Variants in DAPK2 observed in about 807,000 individuals in gnomAD.
DAPK2 encodes death-associated protein kinase 2.
A neutral mutation model predicts 44.1 loss-of-function variants in DAPK2; 35 were observed. The observed-to-expected ratio is 0.79, with a 90% CI of 0.61 to 1.05. The LOEUF is 1.05. Among genes scored for constraint, DAPK2 ranks in the 50% least tolerant of loss-of-function variants. The pLI is 0.00. For synonymous variants in DAPK2, 174 were observed against 182.6 expected, an observed-to-expected ratio of 0.95 and a Z score of 0.38; for missense variants, 453 against 483.2, an observed-to-expected ratio of 0.94 and a Z score of 0.59.
At chr15:64,030,800 C>G (rs2079989278) in intron 1 of DAPK2, among the ~76,000 whole-genome samples, 1 of 152,018 alleles carries the variant, frequency 6.6e-6, no homozygotes, top group Admixed American at 6.6e-5. Flanking sequence ...AGACACCCGT[C>G]TCTACAAAAA....
intron 3 of DAPK2, among the ~76,000 whole-genome samples, chr15:63,948,911 C>G (rs925213239): frequency 1.3e-5 from 2 of 152,140 alleles, no homozygotes; most frequent in Non-Finnish European, 2.9e-5. Flanking sequence ...CACAAGAGAT[C>G]GTTTGCCCAC....
At chr15:63,958,566 A>G (rs2077793978) in intron 3 of DAPK2, among the ~76,000 whole-genome samples, 1 of 152,328 alleles carries the variant, frequency 6.6e-6, no homozygotes, top group African/African-American at 2.4e-5. Context: ...TCAGCTTTCT[A>G]CATATAGCTA....
chr15:63,956,564 A>G (rs188787192), intron 3 of DAPK2, among the ~76,000 whole-genome samples: 299 of 152,124 alleles, frequency 2.0e-3, no homozygotes, highest in African/African-American at 6.6e-3. Flanking sequence ...TGGTCAGAGA[A>G]GATACTTGAT....
At chr15:63,997,745 T>G (rs552822275) in intron 1 of DAPK2, among the ~76,000 whole-genome samples, 2 of 152,276 alleles carry the variant, frequency 1.3e-5, no homozygotes, top group African/African-American at 4.8e-5. Context: ...CTCACCCACA[T>G]GGCCCACACT....
chr15:64,027,130 C>T (rs944592514), intron 1 of DAPK2, among the ~76,000 whole-genome samples: 4 of 152,102 alleles, frequency 2.6e-5, no homozygotes, highest in Admixed American at 1.3e-4. Flanking sequence ...TGCCTATAAT[C>T]CCAGCACTTT....
intron 1 of DAPK2, among the ~76,000 whole-genome samples, chr15:64,036,764 A>G (rs1035841946): frequency 5.3e-5 from 8 of 152,166 alleles, no homozygotes; most frequent in African/African-American, 1.9e-4. Context: ...GCTCACTGAC[A>G]GCCAAGTAAA....
chr15:64,026,440 C>T (rs1401678609), intron 1 of DAPK2, among the ~76,000 whole-genome samples: 3 of 151,992 alleles, frequency 2.0e-5, no homozygotes, highest in Non-Finnish European at 4.4e-5. Flanking sequence ...GTCAGGGTTT[C>T]GCCATGTTGG....
In DAPK2 at chr15:64,036,271, A is replaced by ATGTG. The variant is rs1297163093; in HGVS notation, c.92+3898_92+3899insCACA. Among the ~76,000 whole-genome samples the ATGTG allele has an allele frequency of 9.2e-3, 784 of 85,260 alleles. 8 individuals are homozygous for ATGTG. The highest frequency in any genetic ancestry group is 0.023 in the African/African-American group (598 of 26,026). 55.9% of individuals were successfully genotyped at this position (85,260 alleles called of 152,430 possible). On this transcript the variant is annotated intron_variant, in intron 1 of 10. Coordinates refer to ENST00000261891, the Ensembl canonical transcript of DAPK2. Reference sequence around the variant, plus strand: ...TGAAACTCCATCTCAAAATATATATATATGTGTGTGTGTGTGTGTGTGTGT... The same window carrying ATGTG: ...TGAAACTCCATCTCAAAATATATATATGTGTATGTGTGTGTGTGTGTGTGTGTGT...
intron 7 of DAPK2, 56 bp from the exon 9 acceptor site, chr15:63,924,917 C>A (rs2079196939): frequency 1.3e-6 from 2 of 1,587,788 alleles, no homozygotes; most frequent in East Asian, 4.5e-5. Context: ...TTGGGAGCAA[C>A]CATCTCCGTT....
At chr15:63,953,294 G>A (rs1407454793) in intron 3 of DAPK2, among the ~76,000 whole-genome samples, 2 of 152,020 alleles carry the variant, frequency 1.3e-5, no homozygotes, top group Non-Finnish European at 2.9e-5. Context: ...CCAAGTTCTG[G>A]CAACCATTTT....
chr15:63,908,648 C>T lies in DAPK2; in HGVS notation c.1033-48G>A, dbSNP rs372922967. ...GGTCCAGGGCAGGAGGATCATGAGA[C>T]GCCAGGAATGGGGCTGTGCTGGGCA... On this transcript the variant is annotated intron_variant, in intron 10 of 10. Coordinates refer to ENST00000261891, the Ensembl canonical transcript of DAPK2. This position sits in a 1 kb window ranked among gnomAD's most constrained non-coding sequence, Gnocchi z 5.7. 1.5e-5 allele frequency: 23 copies of T among 1,505,770 alleles called. No homozygotes were observed. The highest frequency in any genetic ancestry group is 1.8e-5 in the Non-Finnish European group (20 of 1,123,232). The allele number at this position is 1,505,770 out of a possible 1,614,324, so 93.3% of individuals were successfully genotyped here.
chr15:64,031,951 G>C (rs1231823902), intron 1 of DAPK2, among the ~76,000 whole-genome samples: 1 of 152,190 alleles, frequency 6.6e-6, no homozygotes, highest in East Asian at 1.9e-4. Context: ...CAGGGCTTAT[G>C]GGGGCTGTGA....
At chr15:63,962,242 T>A (rs2077923142) in intron 3 of DAPK2, among the ~76,000 whole-genome samples, 1 of 152,190 alleles carries the variant, frequency 6.6e-6, no homozygotes, top group Admixed American at 6.5e-5. Context: ...CAGCCATTCG[T>A]CTAATCTTTT....
chr15:63,908,393 G>A lies in DAPK2; in HGVS notation c.*127C>T. The A allele has an allele frequency of 4.2e-6, 2 of 480,620 alleles. No individual in the cohort carries two copies. Among genetic ancestry groups the A allele is most frequent in the East Asian group, 7.0e-5 (2 of 28,614 alleles). 29.8% of individuals were successfully genotyped at this position (480,620 alleles called of 1,614,324 possible). On this transcript the variant is annotated 3_prime_UTR_variant, in exon 11 of 11. Coordinates refer to ENST00000261891, the Ensembl canonical transcript of DAPK2. This position sits in a 1 kb window ranked among gnomAD's most constrained non-coding sequence, Gnocchi z 5.7. ...GCCTGCAAGCTCTTCTGAATTCCTT[G>A]GGCCCATCTCTCTTGCAAAGTGCTC...
chr15:64,032,952 C>T lies in DAPK2; in HGVS notation c.92+7218G>A, dbSNP rs1356305709. Among the ~76,000 whole-genome samples the T allele has an allele frequency of 2.0e-5, 3 of 151,774 alleles. No homozygotes were observed. In the East Asian group the frequency reaches 5.8e-4, roughly 29 times the overall value. On this transcript the variant is annotated intron_variant, in intron 1 of 10. Transcript: ENST00000261891. ...AATAAAAAAAGTAGCCGGGCATGATCGTGCACACCTGTAATCCCAGCTACT... is the reference window on the plus strand; with the variant it reads ...AATAAAAAAAGTAGCCGGGCATGATTGTGCACACCTGTAATCCCAGCTACT...
chr15:63,989,612 G>C (rs1182371314), intron 1 of DAPK2, among the ~76,000 whole-genome samples: 1 of 152,150 alleles, frequency 6.6e-6, no homozygotes, highest in African/African-American at 2.4e-5. Context: ...GTAAAAAGCA[G>C]ACTGATTTTT....
intron 1 of DAPK2, among the ~76,000 whole-genome samples, chr15:64,029,538 G>A (rs1294615426): frequency 2.6e-5 from 4 of 152,154 alleles, no homozygotes; most frequent in African/African-American, 9.7e-5. Context: ...CCTGGAATGT[G>A]TTTTTGGGTC....
intron 3 of DAPK2, among the ~76,000 whole-genome samples, chr15:63,950,504 C>T (rs552529486): frequency 6.6e-6 from 1 of 151,926 alleles, no homozygotes; most frequent in Non-Finnish European, 1.5e-5. Context: ...AGCCATGAGC[C>T]ACAGTGCCCA....
At chr15:63,958,066 G>A (rs190427173) in intron 3 of DAPK2, among the ~76,000 whole-genome samples, 4,274 of 152,258 alleles carry the variant, frequency 0.028, 91 homozygotes, top group South Asian at 0.091. Flanking sequence ...GTGTGAGATG[G>A]TATCTCATTG....
Sources: gnomAD v4.1 joint callset for allele counts (sites outside exome capture counted in the v4.1 genomes callset) on GRCh38, gnomAD v4.1.1 for gene constraint, Gnocchi (gnomAD v3.1) non-coding constraint, MANE v1.5 for transcripts, NCBI Gene and HGNC (gene_info 2026-07-23, HGNC 2026-07-21) for gene names.